GSTZ1: variants seen among roughly 807,000 people sequenced by gnomAD.
GSTZ1 encodes maleylacetoacetate isomerase.
Under a neutral mutation model 35.9 loss-of-function variants are expected in GSTZ1, and 34 were observed. The ratio of observed to expected loss-of-function variants is 0.95; its 90% CI spans 0.72 to 1.26. The LOEUF (loss-of-function observed/expected upper bound fraction) is 1.26. Ranked by LOEUF, GSTZ1 falls within the 50% of genes most tolerant of loss-of-function variation. The pLI is 0.00. For missense variants in GSTZ1, 263 were observed against 271.7 expected (o/e 0.97, Z 0.23); for synonymous variants, 93 against 101.2 (o/e 0.92, Z 0.49).
chr14:77,330,045 G>A (rs1315817895), intron 7 of GSTZ1: 1 of 655,342 alleles, frequency 1.5e-6, no homozygotes, highest in Non-Finnish European at 2.8e-6. Flanking sequence ...GATGATGTCT[G>A]CGCAGTCAAG....
At chr14:77,329,077 C>A (rs769220098) in intron 5 of GSTZ1, 46 bp from the exon 6 acceptor site, 8 of 1,368,026 alleles carry the variant, frequency 5.8e-6, no homozygotes, top group Non-Finnish European at 8.4e-6. Flanking sequence ...GGGGTAGCCC[C>A]CACCCAGCTG....
rs1892624523 is a variant in GSTZ1 at position 77,331,442 on chromosome 14, G to A, written c.*247G>A. 2.3e-6 allele frequency: 1 copy of A among 441,082 alleles called. No individual in the cohort carries two copies. Among genetic ancestry groups the A allele is most frequent in the East Asian group, 3.5e-5 (1 of 28,938 alleles). 27.3% of individuals were successfully genotyped at this position (441,082 alleles called of 1,614,324 possible). A position where few individuals can be genotyped will look rare whatever the true frequency, so the allele number is the denominator to read the frequency against. On this transcript the variant is annotated 3_prime_UTR_variant, in exon 9 of 9. Transcript: ENST00000216465. ...TATCTATGTGACGGGGCAGTCGTGA[G>A]GCTGAGATGAGAATGCGGATTAAAA...
intron 8 of GSTZ1, 52 bp downstream of exon 8, chr14:77,330,411 GC>G: frequency 1.4e-6 from 2 of 1,409,640 alleles, no homozygotes; most frequent in Non-Finnish European, 2.0e-6. Flanking sequence ...CCACAGTCAG[GC>G]CCCACTCAGC....
chr14:77,321,692 G>A, intron 1 of GSTZ1: 1 of 277,296 alleles, frequency 3.6e-6, no homozygotes, highest in Non-Finnish European at 6.6e-6. Context: ...GACCATCCTG[G>A]CTAACACGAT....
intron 7 of GSTZ1, 63 bp from the exon 8 acceptor site, chr14:77,330,247 C>T (rs752083532): frequency 2.6e-6 from 3 of 1,156,946 alleles, no homozygotes; most frequent in Middle Eastern, 1.9e-4. Context: ...AGTGGACACA[C>T]CCAGTCCAGC....
chr14:77,329,032 A>G (rs1892476462), intron 5 of GSTZ1, 91 bp from the exon 6 acceptor site: 1 of 887,188 alleles, frequency 1.1e-6, no homozygotes, highest in Non-Finnish European at 1.9e-6. Context: ...CCAGGGGCAG[A>G]TGGGAAGTGA....
chr14:77,330,264 C>A, intron 7 of GSTZ1, 46 bp from the exon 8 acceptor site: 1 of 1,399,784 alleles, frequency 7.1e-7, no homozygotes, highest in Non-Finnish European at 1.0e-6. Flanking sequence ...CAGCCACTGA[C>A]TCTGGGGTAT....
At chr14:77,330,823 A>T (rs961309911) in intron 8 of GSTZ1, among the ~76,000 whole-genome samples, 2 of 152,176 alleles carry the variant, frequency 1.3e-5, no homozygotes, top group East Asian at 3.8e-4. Context: ...GTCTGTATAT[A>T]TAAATGCCTA....
chr14:77,327,260 A>G, intron 3 of GSTZ1: 1 of 605,276 alleles, frequency 1.7e-6, no homozygotes, highest in Non-Finnish European at 3.0e-6. Flanking sequence ...GCCCATAGCC[A>G]GGCTGTTAGG....
chr14:77,322,751 G>A lies in GSTZ1; in HGVS notation c.15+1568G>A, dbSNP rs1594818345. ...ACAAAAGGTACCTTCAGGACAGGCT[G>A]GGACTGCTGGGCTTGGGAACCATCT... On this transcript the variant is annotated intron_variant, in intron 1 of 8. Transcript: ENST00000216465. The A allele has an allele frequency of 4.1e-6, 4 of 981,238 alleles. No homozygotes were observed. In the South Asian group the frequency reaches 1.9e-4, roughly 46 times the overall value. 60.8% of individuals were successfully genotyped at this position (981,238 alleles called of 1,614,324 possible).
chr14:77,325,277 A>T (rs1274081115), intron 2 of GSTZ1: 1 of 282,088 alleles, frequency 3.5e-6, no homozygotes, highest in Non-Finnish European at 7.0e-6. Flanking sequence ...ATTTTATTTG[A>T]ACTGGCAAAG....
chr14:77,331,550 T>C lies in GSTZ1; in HGVS notation c.*355T>C. On this transcript the variant is annotated 3_prime_UTR_variant, in exon 9 of 9. Coordinates refer to ENST00000216465, the MANE Select transcript of GSTZ1 (RefSeq NM_145870.3). Reference sequence around the variant, plus strand: ...TTTTGTTGTGTGTGACTCCAAAGAATGCCCGCGCTGAAATTTGGCGTGAAT... The same window carrying C: ...TTTTGTTGTGTGTGACTCCAAAGAACGCCCGCGCTGAAATTTGGCGTGAAT... The C allele has an allele frequency of 5.1e-6, 1 of 197,426 alleles. No individual in the cohort carries two copies. The highest frequency in any genetic ancestry group is 1.2e-4 in the East Asian group (1 of 8,118). 12.2% of individuals were successfully genotyped at this position (197,426 alleles called of 1,614,324 possible). A position where few individuals can be genotyped will look rare whatever the true frequency, so the allele number is the denominator to read the frequency against.
rs1249505661 is a variant in GSTZ1, at chr14:77,331,297, G to C, written c.*102G>C. The C allele has an allele frequency of 1.5e-6, 2 of 1,321,230 alleles. No homozygotes were observed. The highest frequency in any genetic ancestry group is 2.5e-5 in the Admixed American group (1 of 40,770). The allele number at this position is 1,321,230 out of a possible 1,614,324, so 81.8% of individuals were successfully genotyped here. A position where few individuals can be genotyped will look rare whatever the true frequency, so the allele number is the denominator to read the frequency against. On this transcript the variant is annotated 3_prime_UTR_variant, in exon 9 of 9. Transcript: ENST00000216465. ...TCTTAATTGAGGAGATGGGAGACTC[G>C]AACTCTAGCCCTGGATCTGCCTTCC... is the stretch of plus-strand genomic sequence containing the variant.
At chr14:77,321,289 C>A in intron 1 of GSTZ1, 106 bp downstream of exon 1, 2 of 1,521,768 alleles carry the variant, frequency 1.3e-6, no homozygotes, top group Non-Finnish European at 1.8e-6. Context: ...GACAACGACT[C>A]CCGGCATGCA....
rs772043073 is a variant in GSTZ1, at chr14:77,329,826, T to C, written c.474+19T>C. ...AGACGAGGTAAGCTGTCCCCAGACC[T>C]CCCCAGGCCCAGCCACAGTGGCTGC... On this transcript the variant is annotated intron_variant, in intron 7 of 8. Coordinates refer to ENST00000216465, the MANE Select transcript of GSTZ1 (RefSeq NM_145870.3). 13 of 1,599,600 alleles carry C rather than the reference T, an allele frequency of 8.1e-6. No homozygotes were observed. The Admixed American group carries it at 8.3e-5, about 10-fold the overall frequency.
intron 1 of GSTZ1, 195 bp downstream of exon 1, chr14:77,321,378 C>T (rs951305172): frequency 8.5e-6 from 13 of 1,530,260 alleles, no homozygotes; most frequent in African/African-American, 4.1e-5. Context: ...AGGGTTGGGC[C>T]AGAGGAGGCG....
intron 1 of GSTZ1, chr14:77,324,591 G>T (rs1892208553): frequency 6.5e-7 from 1 of 1,534,412 alleles, no homozygotes; most frequent in Non-Finnish European, 8.7e-7. Flanking sequence ...GAGGCTGAGG[G>T]TCACCACGAT....
chr14:77,321,672 A>G, intron 1 of GSTZ1: 1 of 364,168 alleles, frequency 2.7e-6, no homozygotes, highest in Non-Finnish European at 4.7e-6. Flanking sequence ...TCACAAGGTC[A>G]GGAGATAGAG....
At chr14:77,330,251 G>T (rs1192277861) in intron 7 of GSTZ1, 59 bp from the exon 8 acceptor site, 4 of 1,219,610 alleles carry the variant, frequency 3.3e-6, no homozygotes, top group South Asian at 2.4e-5. Flanking sequence ...GACACACCCA[G>T]TCCAGCCACT....
Sources: allele counts gnomAD v4.1 joint callset (sites outside exome capture counted in the v4.1 genomes callset), GRCh38; gene constraint gnomAD v4.1.1; transcripts MANE v1.5; gene names NCBI Gene and HGNC (gene_info 2026-07-23, HGNC 2026-07-21).